The following ADAMTSL1 variants were observed in gnomAD, a reference collection of about 807,000 sequenced individuals.
ADAMTSL1 encodes the protein ADAMTS like 1, also known as ADAMTS-like protein 1.
A neutral mutation model predicts 201.8 loss-of-function variants in ADAMTSL1; 126 were observed. The observed-to-expected ratio is 0.62, with a 90% CI of 0.54 to 0.72. The LOEUF (loss-of-function observed/expected upper bound fraction) is 0.72, where lower values mean the gene tolerates loss of function less well. Among genes scored for constraint, ADAMTSL1 ranks in the 30% least tolerant of loss-of-function variants. The pLI is 0.00. For missense variants in ADAMTSL1, 2,679 were observed against 2,277.8 expected, an observed-to-expected ratio of 1.18 and a Z score of -3.59; for synonymous variants, 1,121 against 903.4, an observed-to-expected ratio of 1.24 and a Z score of -4.32.
intron 2 of ADAMTSL1, among the ~76,000 whole-genome samples, chr9:18,532,612 A>G (rs1290383666): frequency 2.6e-5 from 4 of 152,048 alleles, no homozygotes; most frequent in Admixed American, 6.5e-5. Flanking sequence ...AGGCTACAAA[A>G]TTGCGTAAGT....
intron 2 of ADAMTSL1, among the ~76,000 whole-genome samples, chr9:18,324,229 T>C (rs1834736341): frequency 6.6e-6 from 1 of 152,170 alleles, no homozygotes; most frequent in Admixed American, 6.5e-5. Flanking sequence ...CTTTTTAACA[T>C]GTATCCTAGA....
chr9:18,092,243 C>T (rs1824055397), intron 1 of ADAMTSL1, among the ~76,000 whole-genome samples: 2 of 152,090 alleles, frequency 1.3e-5, no homozygotes, highest in African/African-American at 4.8e-5. Context: ...GCAATTGTAG[C>T]TCAACATGAC....
chr9:18,423,055 C>A (rs1016005252), intron 2 of ADAMTSL1, among the ~76,000 whole-genome samples: 5 of 152,176 alleles, frequency 3.3e-5, no homozygotes, highest in African/African-American at 1.2e-4. Flanking sequence ...TTGTAGTGAC[C>A]AATTTCTTTA....
At chr9:18,128,107 A>T (rs902483939) in intron 1 of ADAMTSL1, among the ~76,000 whole-genome samples, 3 of 152,170 alleles carry the variant, frequency 2.0e-5, no homozygotes, top group Non-Finnish European at 4.4e-5. Context: ...TTTGTGATAT[A>T]CTGAGTCAGA....
chr9:18,657,557 C>A, intron 7 of ADAMTSL1, 82 bp from the exon 8 acceptor site: 2 of 1,002,510 alleles, frequency 2.0e-6, no homozygotes, highest in South Asian at 1.4e-5. Flanking sequence ...TCAGCACTAC[C>A]ATATACTCTT....
chr9:18,347,980 A>C (rs187272056), intron 2 of ADAMTSL1, among the ~76,000 whole-genome samples: 2 of 152,326 alleles, frequency 1.3e-5, no homozygotes, highest in East Asian at 3.9e-4. Flanking sequence ...AATTTGGTTA[A>C]AGGGAAGAAG....
intron 7 of ADAMTSL1, among the ~76,000 whole-genome samples, chr9:18,650,020 T>G (rs556296552): frequency 6.6e-6 from 1 of 152,362 alleles, no homozygotes; most frequent in African/African-American, 2.4e-5. Flanking sequence ...CAGGCAGGCC[T>G]CCTTGAGCTG....
At chr9:18,258,108 T>C (rs1253134666) in intron 2 of ADAMTSL1, among the ~76,000 whole-genome samples, 1 of 152,200 alleles carries the variant, frequency 6.6e-6, no homozygotes, top group East Asian at 1.9e-4. Flanking sequence ...TAAAAATAGG[T>C]AAAATGGCAA....
At chr9:18,408,594 C>T (rs1818302722) in intron 2 of ADAMTSL1, among the ~76,000 whole-genome samples, 1 of 152,178 alleles carries the variant, frequency 6.6e-6, no homozygotes, top group Non-Finnish European at 1.5e-5. Context: ...CTAGAGCTTG[C>T]AGTCTAATGG....
chr9:18,753,942 T>C (rs1320963590), intron 16 of ADAMTSL1, among the ~76,000 whole-genome samples: 2 of 152,174 alleles, frequency 1.3e-5, no homozygotes, highest in African/African-American at 2.4e-5. Context: ...TACTTAGCAA[T>C]ATAAGAAGTT....
intron 2 of ADAMTSL1, among the ~76,000 whole-genome samples, chr9:18,171,533 CA>C (rs1043275589): frequency 2.0e-5 from 3 of 151,758 alleles, no homozygotes; most frequent in African/African-American, 4.8e-5. Flanking sequence ...ACATAACTGG[CA>C]AAAAAATATG....
chr9:18,143,793 C>G (rs1826506074), intron 1 of ADAMTSL1, among the ~76,000 whole-genome samples: 1 of 152,184 alleles, frequency 6.6e-6, no homozygotes, highest in Non-Finnish European at 1.5e-5. Flanking sequence ...TAAACAGACT[C>G]TTTCATTATA....
chr9:18,690,169 A>G (rs1831125271), intron 13 of ADAMTSL1, among the ~76,000 whole-genome samples: 1 of 152,182 alleles, frequency 6.6e-6, no homozygotes, highest in Non-Finnish European at 1.5e-5. Context: ...AAAAACCAAT[A>G]AGAGTCACCA....
intron 3 of ADAMTSL1, among the ~76,000 whole-genome samples, chr9:18,548,308 CTATT>C (rs1216944350): frequency 6.6e-6 from 1 of 152,040 alleles, no homozygotes; most frequent in Non-Finnish European, 1.5e-5. Context: ...TTTTGGCAGT[CTATT>C]TAGTGTCAAG....
At chr9:18,291,737 TCTCTCTCTCTCACACACA>T (rs1173414317) in intron 2 of ADAMTSL1, among the ~76,000 whole-genome samples, 85 of 133,724 alleles carry the variant, frequency 6.4e-4, no homozygotes, top group African/African-American at 2.4e-3. Context: ...TCTCTCTCTC[TCTCTCTCTCTCACACACA>T]CACACACACA....
intron 1 of ADAMTSL1, among the ~76,000 whole-genome samples, chr9:18,488,242 T>C (rs1449198632): frequency 6.6e-6 from 1 of 152,210 alleles, no homozygotes; most frequent in Non-Finnish European, 1.5e-5. Flanking sequence ...AGATCTGTTC[T>C]GTCACCTATC....
intron 15 of ADAMTSL1, among the ~76,000 whole-genome samples, chr9:18,747,081 A>G (rs1819189412): frequency 6.6e-6 from 1 of 152,222 alleles, no homozygotes; most frequent in African/African-American, 2.4e-5. Flanking sequence ...CTATAAGCAC[A>G]GGAAGCCCAG....
At chr9:18,375,277 T>A (rs909416511) in intron 2 of ADAMTSL1, among the ~76,000 whole-genome samples, 1 of 152,234 alleles carries the variant, frequency 6.6e-6, no homozygotes, top group African/African-American at 2.4e-5. Context: ...ATTGTTTTTC[T>A]ATGGATTATT....
At chr9:18,470,252 A>C (rs989174856), upstream of ADAMTSL1, among the ~76,000 whole-genome samples, 3 of 152,168 alleles carry the variant, frequency 2.0e-5, no homozygotes, top group Admixed American at 6.5e-5. Context: ...TTCATATCAC[A>C]TTAGATCATG....
Sources: gnomAD v4.1 joint callset for allele counts (sites outside exome capture counted in the v4.1 genomes callset) on GRCh38, gnomAD v4.1.1 for gene constraint, MANE v1.5 for transcripts, NCBI Gene and HGNC (gene_info 2026-07-23, HGNC 2026-07-21) for gene names.